The following ABHD12 variants were observed in gnomAD, a reference collection of about 807,000 sequenced individuals.
ABHD12 encodes the protein lysophosphatidylserine lipase ABHD12.
ABHD12 carries 43 observed loss-of-function variants against 58.3 expected under a neutral mutation model. The observed-to-expected ratio is 0.74, with a 90% confidence interval of 0.58 to 0.95. ABHD12 has a LOEUF of 0.95. ABHD12 is among the 40% of genes least tolerant of loss of function. ABHD12 has a pLI of 0.00. For synonymous variants in ABHD12, 219 were observed against 211.2 expected (o/e 1.04, Z -0.32); for missense variants, 539 against 537.2 (o/e 1.00, Z -0.03).
At chr20:25,308,076 G>C (rs1329734763) in intron 8 of ABHD12, 31 bp from the exon 9 acceptor site, 3 of 1,457,324 alleles carry the variant, frequency 2.1e-6, no homozygotes, top group Non-Finnish European at 2.9e-6. Flanking sequence ...CTGAGAGGTA[G>C]GCAGGAAGCC....
intron 2 of ABHD12, among the ~76,000 whole-genome samples, chr20:25,335,802 T>C (rs1191003728): frequency 4.2e-5 from 5 of 118,260 alleles, no homozygotes; most frequent in Non-Finnish European, 8.4e-5. Context: ...CTCTGGGAAC[T>C]GTTGTGGGGT....
At chr20:25,383,978 A>G (rs1437675481) in intron 1 of ABHD12, among the ~76,000 whole-genome samples, 4 of 143,314 alleles carry the variant, frequency 2.8e-5, no homozygotes, top group Non-Finnish European at 4.5e-5. Context: ...AAAAAAAGAA[A>G]AAAAAGAAAA....
intron 6 of ABHD12, 50 bp downstream of exon 6, chr20:25,314,875 C>A: frequency 6.2e-7 from 1 of 1,606,398 alleles, no homozygotes; most frequent in Non-Finnish European, 8.5e-7. Context: ...TGGGATACCG[C>A]CAGCAAGCAG....
At chr20:25,384,541 TC>T (rs1223900023) in intron 1 of ABHD12, among the ~76,000 whole-genome samples, 20 of 151,618 alleles carry the variant, frequency 1.3e-4, no homozygotes, top group Non-Finnish European at 2.8e-4. Flanking sequence ...GCTCAGGAGT[TC>T]AAGTCCAGCC....
intron 1 of ABHD12, among the ~76,000 whole-genome samples, chr20:25,341,795 A>G (rs1022213362): frequency 6.6e-6 from 1 of 152,166 alleles, no homozygotes. Context: ...AGAAAGACTC[A>G]GGACGTTATC....
At chr20:25,359,656 A>AGG (rs2089718683) in intron 1 of ABHD12, among the ~76,000 whole-genome samples, 1 of 151,572 alleles carries the variant, frequency 6.6e-6, no homozygotes, top group African/African-American at 2.4e-5. Flanking sequence ...TGCAACCTCC[A>AGG]TCTCCCAGGT....
chr20:25,376,863 A>G (rs1461929924), intron 1 of ABHD12, among the ~76,000 whole-genome samples: 1 of 152,226 alleles, frequency 6.6e-6, no homozygotes, highest in Admixed American at 6.5e-5. Flanking sequence ...GTTCACAGCA[A>G]TTATCCAGAG....
At chr20:25,323,476 TACACAC>T in intron 2 of ABHD12, 46 bp from the exon 3 acceptor site, 2 of 1,110,786 alleles carry the variant, frequency 1.8e-6, no homozygotes, top group Non-Finnish European at 2.8e-6. Context: ...GGTGGATGAA[TACACAC>T]ATGTACACAC....
intron 2 of ABHD12, among the ~76,000 whole-genome samples, chr20:25,334,183 A>G (rs1430724755): frequency 6.6e-6 from 1 of 151,258 alleles, no homozygotes; most frequent in African/African-American, 2.4e-5. Flanking sequence ...GAGCCAAATC[A>G]TGAGTGAACT....
chr20:25,302,437 GAA>G (rs2088654672), intron 11 of ABHD12, 91 bp from the exon 12 acceptor site: 1 of 1,541,476 alleles, frequency 6.5e-7, no homozygotes, highest in Non-Finnish European at 8.9e-7. Flanking sequence ...CCCTTCAATA[GAA>G]ACCAGTCCAG....
Position 25,374,523 on chromosome 20 carries a change from C to T in ABHD12, c.191+15990G>A, listed in dbSNP as rs375257322. 2.6e-4 allele frequency among the ~76,000 whole-genome samples: 40 copies of T among 152,074 alleles called. No individual in the cohort carries two copies. The East Asian group carries it at 5.8e-3, about 22-fold the overall frequency. ...TTTGTTTGTTTTTGAGATGGAATTT[C>T]GCTCTTGTTGCCCAGGCTGGAGTGC... On this transcript the variant is annotated intron_variant, in intron 1 of 12. Coordinates refer to ENST00000339157, the MANE Select transcript of ABHD12 (RefSeq NM_001042472.3).
chr20:25,343,891 T>G (rs930414146), intron 1 of ABHD12, among the ~76,000 whole-genome samples: 4 of 152,088 alleles, frequency 2.6e-5, no homozygotes, highest in Admixed American at 2.6e-4. Flanking sequence ...GCAAAGCAAA[T>G]CCAACAATGT....
At position 25,308,484 on chromosome 20, in the gene ABHD12, T is replaced by C. The variant is rs1164383623; in HGVS notation, c.760A>G (p.Asn254Asp). 1 of 1,611,726 alleles carries C rather than the reference T, an allele frequency of 6.2e-7. No homozygotes were observed. Among genetic ancestry groups the C allele is most frequent in the East Asian group, 2.2e-5 (1 of 44,860 alleles). Reference sequence around the variant, plus strand: ...CGCTCACAGAGGCGCCGCACCAGATTTGTCGCCACGCTAGGAAAAAAGAAA... The same window carrying C: ...CGCTCACAGAGGCGCCGCACCAGATCTGTCGCCACGCTAGGAAAAAAGAAA... ...GHSLGTGVAT[N>D]LVRRLCERET... Residue 254 changes from asparagine (N) to aspartate (D), a missense_variant, in exon 8 of 13, where the codon AAT becomes GAT. Transcript: ENST00000339157.
intron 4 of ABHD12, 120 bp downstream of exon 4, chr20:25,320,079 C>T: frequency 1.4e-6 from 2 of 1,425,150 alleles, no homozygotes; most frequent in South Asian, 1.2e-5. Flanking sequence ...TGGGTCAGTA[C>T]ACCCAATTTT....
chr20:25,300,304 C>T lies in ABHD12; in HGVS notation c.*541G>A, dbSNP rs41304802. 3,746 of 1,028,370 alleles carry T rather than the reference C, an allele frequency of 3.6e-3. 13 individuals are homozygous for T. Among genetic ancestry groups the T allele is most frequent in the African/African-American group, 0.019 (1,097 of 58,978 alleles). The allele number at this position is 1,028,370 out of a possible 1,614,324, so 63.7% of individuals were successfully genotyped here. On this transcript the variant is annotated 3_prime_UTR_variant, in exon 13 of 13. Coordinates refer to ENST00000339157, the MANE Select transcript of ABHD12 (RefSeq NM_001042472.3). Reference sequence around the variant, plus strand: ...GTGAAAGGGGAGGAAGTGCAGATCCCGGGCACTTCCACTGTGGGTGAGTGG... The same window carrying T: ...GTGAAAGGGGAGGAAGTGCAGATCCTGGGCACTTCCACTGTGGGTGAGTGG...
intron 8 of ABHD12, 47 bp downstream of exon 8, chr20:25,308,410 C>A: frequency 6.3e-7 from 1 of 1,599,502 alleles, no homozygotes; most frequent in Non-Finnish European, 8.5e-7. Context: ...GACTGGGGAG[C>A]ACCCTGAATG....
chr20:25,382,073 C>A (rs2090029037), intron 1 of ABHD12, among the ~76,000 whole-genome samples: 1 of 152,046 alleles, frequency 6.6e-6, no homozygotes, highest in Admixed American at 6.5e-5. Flanking sequence ...TCACCACAAT[C>A]CTACAGGGAA....
chr20:25,384,663 T>C (rs1203453310), intron 1 of ABHD12, among the ~76,000 whole-genome samples: 8 of 152,184 alleles, frequency 5.3e-5, no homozygotes, highest in African/African-American at 1.2e-4. Context: ...GAAGACCATT[T>C]GACCCTGAGA....
At chr20:25,319,662 G>T (rs535752688) in intron 4 of ABHD12, among the ~76,000 whole-genome samples, 1 of 152,160 alleles carries the variant, frequency 6.6e-6, no homozygotes, top group African/African-American at 2.4e-5. Context: ...AGCTGAAGCC[G>T]CCCATTCCCA....
Sources: gnomAD v4.1 joint callset for allele counts (sites outside exome capture counted in the v4.1 genomes callset) on GRCh38, gnomAD v4.1.1 for gene constraint, MANE v1.5 for transcripts, NCBI Gene and HGNC (gene_info 2026-07-23, HGNC 2026-07-21) for gene names.